Variants in GABBR2 observed in about 807,000 individuals in gnomAD.
GABBR2 encodes the protein G-protein coupled receptor 51.
In GABBR2, 23 loss-of-function variants were observed where a neutral mutation model predicts 105.6. The ratio of observed to expected loss-of-function variants is 0.22; its 90% CI spans 0.16 to 0.31. The LOEUF (loss-of-function observed/expected upper bound fraction) is 0.31, where lower values mean the gene tolerates loss of function less well. GABBR2 is among the 10% of genes least tolerant of loss of function. The pLI is 1.00. For synonymous variants in GABBR2, 478 were observed against 499.7 expected, an observed-to-expected ratio of 0.96 and a Z score of 0.58; for missense variants, 734 against 1,245.5, an observed-to-expected ratio of 0.59 and a Z score of 6.18.
intron 3 of GABBR2, among the ~76,000 whole-genome samples, chr9:98,523,318 G>A (rs986414404): frequency 2.0e-5 from 3 of 152,132 alleles, no homozygotes; most frequent in Admixed American, 2.0e-4. Context: ...TGGTCCTTTG[G>A]TTAAAAAACA....
intron 4 of GABBR2, among the ~76,000 whole-genome samples, chr9:98,486,241 C>G (rs1028953432): frequency 6.6e-6 from 1 of 152,230 alleles, no homozygotes; most frequent in Non-Finnish European, 1.5e-5. Flanking sequence ...ACTCCTCGCT[C>G]CTATCTACCG....
intron 1 of GABBR2, among the ~76,000 whole-genome samples, chr9:98,658,614 T>C (rs960115726): frequency 6.6e-6 from 1 of 152,194 alleles, no homozygotes; most frequent in African/African-American, 2.4e-5. Flanking sequence ...CAATGTGGCA[T>C]CTTAAAAGCG....
chr9:98,646,710 C>A, intron 1 of GABBR2, among the ~76,000 whole-genome samples: 1 of 152,150 alleles, frequency 6.6e-6, no homozygotes, highest in East Asian at 1.9e-4. Flanking sequence ...TCATATGTTA[C>A]AACAGACTAT....
At chr9:98,463,422 T>C (rs1826460837) in intron 6 of GABBR2, among the ~76,000 whole-genome samples, 1 of 152,034 alleles carries the variant, frequency 6.6e-6, no homozygotes, top group South Asian at 2.1e-4. Context: ...TATATAGAAA[T>C]GCAAAGAGAC....
chr9:98,594,517 G>A (rs1829202257), intron 1 of GABBR2, among the ~76,000 whole-genome samples: 1 of 152,162 alleles, frequency 6.6e-6, no homozygotes, highest in African/African-American at 2.4e-5. Context: ...TCTGGGAGAG[G>A]AATTTGCTGG....
At chr9:98,347,510 C>T (rs1214485767) in intron 13 of GABBR2, among the ~76,000 whole-genome samples, 4 of 152,276 alleles carry the variant, frequency 2.6e-5, no homozygotes, top group Middle Eastern at 6.8e-3. Context: ...TATTTTCTCT[C>T]ATTTTACAGG....
At chr9:98,605,948 C>T (rs1434501784) in intron 1 of GABBR2, among the ~76,000 whole-genome samples, 4 of 152,088 alleles carry the variant, frequency 2.6e-5, no homozygotes, top group Non-Finnish European at 5.9e-5. Context: ...CTACAGGCCC[C>T]GGTGTGTGAT....
In GABBR2 at chr9:98,684,169, TAA is replaced by T. The variant is rs3032196; in HGVS notation, c.321+24246_321+24247del. On this transcript the variant is annotated intron_variant, in intron 1 of 18. Transcript: ENST00000259455. The stretch of plus-strand genomic sequence containing the variant: ...AAAAGAAGAATGCATTTTACCACGG[TAA>T]AAAAAAAAAAAAAAAAAAAAAAAAT... Among the ~76,000 whole-genome samples the T allele has an allele frequency of 9.2e-4, 61 of 66,138 alleles. 2 individuals are homozygous for T. Among genetic ancestry groups the T allele is most frequent in the South Asian group, 6.7e-3 (13 of 1,952 alleles). 43.4% of individuals were successfully genotyped at this position (66,138 alleles called of 152,430 possible).
At chr9:98,689,463 C>T (rs1487407784) in intron 1 of GABBR2, among the ~76,000 whole-genome samples, 1 of 152,202 alleles carries the variant, frequency 6.6e-6, no homozygotes, top group Non-Finnish European at 1.5e-5. Flanking sequence ...TTTGACAATG[C>T]TGGCGGTGCT....
In GABBR2 at chr9:98,371,066, C is replaced by T. The variant is rs147491579; in HGVS notation, c.1770+398G>A. Among the ~76,000 whole-genome samples, 1,066 of 152,188 alleles carry T rather than the reference C, an allele frequency of 7.0e-3. 13 individuals are homozygous for T. The highest frequency in any genetic ancestry group is 9.8e-3 in the Non-Finnish European group (668 of 67,988). On this transcript the variant is annotated intron_variant, in intron 12 of 18. Transcript: ENST00000259455. ...CCACAAGCCCTATGCCCCAGCCACA[C>T]CAAGCCTCTCTCGGCCCCTGACCAC... is the stretch of plus-strand genomic sequence containing the variant.
At chr9:98,383,411 C>T (rs1391783944) in intron 11 of GABBR2, among the ~76,000 whole-genome samples, 2 of 152,204 alleles carry the variant, frequency 1.3e-5, no homozygotes, top group Non-Finnish European at 2.9e-5. Context: ...GAATTAGTCT[C>T]ATGCCAGAAG....
chr9:98,371,596 C>A (rs753536251), intron 11 of GABBR2, 25 bp from the exon 12 acceptor site: 2 of 1,284,852 alleles, frequency 1.6e-6, no homozygotes, highest in South Asian at 1.2e-5. Context: ...AAAACAGAGG[C>A]ATTGACCTTC....
intron 1 of GABBR2, among the ~76,000 whole-genome samples, chr9:98,613,528 T>A (rs141503842): frequency 1.2e-3 from 184 of 151,740 alleles, no homozygotes; most frequent in Non-Finnish European, 2.2e-3. Flanking sequence ...CAAAAGAATA[T>A]GATAAAAGCG....
chr9:98,402,625 G>A (rs574135833), intron 8 of GABBR2, among the ~76,000 whole-genome samples: 35 of 152,298 alleles, frequency 2.3e-4, no homozygotes, highest in African/African-American at 8.2e-4. Context: ...CCAGGACAAG[G>A]TGCATGAGTG....
At chr9:98,349,222 A>G (rs1831349778) in intron 13 of GABBR2, among the ~76,000 whole-genome samples, 1 of 151,742 alleles carries the variant, frequency 6.6e-6, no homozygotes, top group South Asian at 2.1e-4. Context: ...AATGCAATAT[A>G]TTACATTTAT....
rs1045113113 is a variant in GABBR2 at position 98,546,139 on chromosome 9, T to C, written c.460-4096A>G. ...ATTTATTGAGATTTTCTTTGTGGCC[T>C]ATTATACAATCAACTTCTGTACAAG... is the stretch of plus-strand genomic sequence containing the variant. On this transcript the variant is annotated intron_variant, in intron 2 of 18. Coordinates refer to ENST00000259455, the MANE Select transcript of GABBR2 (RefSeq NM_005458.8). Among the ~76,000 whole-genome samples the C allele has an allele frequency of 4.6e-5, 7 of 152,346 alleles. No homozygotes were observed. The East Asian group carries it at 1.2e-3, about 25-fold the overall frequency.
intron 6 of GABBR2, among the ~76,000 whole-genome samples, chr9:98,466,457 A>G (rs1479833626): frequency 6.6e-6 from 1 of 152,242 alleles, no homozygotes; most frequent in Non-Finnish European, 1.5e-5. Context: ...TGAAACCATA[A>G]AAGGTAATCC....
intron 2 of GABBR2, among the ~76,000 whole-genome samples, chr9:98,563,487 T>A (rs565516606): frequency 6.6e-6 from 1 of 152,266 alleles, no homozygotes; most frequent in South Asian, 2.1e-4. Flanking sequence ...CTTGTTAGCG[T>A]GGGCCAGAGG....
intron 13 of GABBR2, among the ~76,000 whole-genome samples, chr9:98,359,823 C>T (rs771595488): frequency 6.6e-6 from 1 of 152,092 alleles, no homozygotes; most frequent in Non-Finnish European, 1.5e-5. Flanking sequence ...ATGGCCCTGT[C>T]CTGGAGAAGT....
Sources: allele counts gnomAD v4.1 joint callset (sites outside exome capture counted in the v4.1 genomes callset), GRCh38; gene constraint gnomAD v4.1.1; transcripts MANE v1.5; gene names NCBI Gene and HGNC (gene_info 2026-07-23, HGNC 2026-07-21).